CDAN1: variants seen among roughly 807,000 people sequenced by gnomAD.
The protein encoded by CDAN1 is codanin-1.
Under a neutral mutation model 139.8 loss-of-function variants are expected in CDAN1, and 107 were observed. The ratio of observed to expected loss-of-function variants is 0.77; its 90% confidence interval spans 0.65 to 0.90. The LOEUF (loss-of-function observed/expected upper bound fraction) is 0.90, where lower values mean the gene tolerates loss of function less well. Among genes scored for constraint, CDAN1 ranks in the 40% least tolerant of loss-of-function variants. The pLI is 0.00. For missense variants in CDAN1, 1,667 were observed against 1,575.7 expected (o/e 1.06, Z -0.98); for synonymous variants, 776 against 660.6 (o/e 1.17, Z -2.68).
In CDAN1 at chr15:42,731,296, C is replaced by T. The variant is rs143666626; in HGVS notation, c.1775G>A (p.Ser592Asn). The change falls in exon 12 of 28, where the codon AGC becomes AAC. Residue 592 changes from serine to asparagine, a missense_variant. Physicochemically the swap from Ser to Asn is conservative, Grantham distance 46. Coordinates refer to ENST00000356231, the MANE Select transcript of CDAN1 (RefSeq NM_138477.4). ...QFNQHLMDSL[S>N]LKIQELNGLA... ...ACCATTGAGCTCCTGGATCTTCAAGCTCAGACTGTCCATGAGATGCTGGTT... is the reference window on the plus strand; with the variant it reads ...ACCATTGAGCTCCTGGATCTTCAAGTTCAGACTGTCCATGAGATGCTGGTT... 3.0e-5 allele frequency: 48 copies of T among 1,614,020 alleles called. No individual in the cohort carries two copies. The highest frequency in any genetic ancestry group is 5.0e-5 in the Admixed American group (3 of 60,008).
chr15:42,726,454 G>A lies in CDAN1; in HGVS notation c.3097-37C>T, dbSNP rs1357147287. ...AGGGGGAGATATCACCTTGCGCTGG[G>A]GGCCAGGATGCCACAGAGAATTTGG... On this transcript the variant is annotated intron_variant, in intron 23 of 27. Transcript: ENST00000356231. The A allele has an allele frequency of 6.0e-6, 9 of 1,488,320 alleles. No individual in the cohort carries two copies. The East Asian group carries it at 2.2e-4, about 36-fold the overall frequency. The allele number at this position is 1,488,320 out of a possible 1,614,324, so 92.2% of individuals were successfully genotyped here. A position where few individuals can be genotyped will look rare whatever the true frequency, so the allele number is the denominator to read the frequency against.
At chr15:42,731,859 AATC>A (rs1858791273) in intron 10 of CDAN1, 34 bp from the exon 11 acceptor site, 1 of 1,604,238 alleles carries the variant, frequency 6.2e-7, no homozygotes, top group African/African-American at 1.3e-5. Flanking sequence ...AAATTAAAAA[AATC>A]AGCAAGTGGG....
Position 42,730,553 on chromosome 15 carries a change from C to T in CDAN1, c.2174+45G>A, listed in dbSNP as rs369641551. The T allele has an allele frequency of 2.0e-5, 32 of 1,607,202 alleles. No homozygotes were observed. The East Asian group carries it at 2.9e-4, about 15-fold the overall frequency. On this transcript the variant is annotated intron_variant, in intron 14 of 27. Coordinates refer to ENST00000356231, the MANE Select transcript of CDAN1 (RefSeq NM_138477.4). ...TTAATAGCAGGCTTGACCAATGTCC[C>T]GAGTCCCGAATCCTTTCATCAAGCC...
In CDAN1 at chr15:42,736,097, G is replaced by A; in HGVS notation, c.570-19C>T. 1 of 1,613,376 alleles carries A rather than the reference G, an allele frequency of 6.2e-7. No homozygotes were observed. The highest frequency in any genetic ancestry group is 8.5e-7 in the Non-Finnish European group (1 of 1,179,444). On this transcript the variant is annotated intron_variant, in intron 2 of 27. Transcript: ENST00000356231. ...CTTCGTCCTGCTGAGAGTAGCCACA[G>A]GTTTTTCTCAAATTCCTATCTTCAA...
Position 42,729,306 on chromosome 15 carries a change from C to G in CDAN1, c.2464G>C (p.Gly822Arg), listed in dbSNP as rs1193351243. The G allele has an allele frequency of 6.2e-7, 1 of 1,613,894 alleles. No homozygotes were observed. Among genetic ancestry groups the G allele is most frequent in the African/African-American group, 1.3e-5 (1 of 74,860 alleles). ...WVSGSSGRSG[G>R]FMRKITPTTT... ...GTGGGGGTGATTTTCCTCATGAAGC[C>G]CCCACTCCGTCCACTACTGCCTGAC... The change falls in exon 18 of 28, where the codon GGC (glycine) becomes CGC (arginine). Residue 822 changes from glycine (G) to arginine (R), a missense_variant. By Grantham distance (125) the Gly-to-Arg change is moderately radical. Transcript: ENST00000356231.
chr15:42,732,319 G>C lies in CDAN1; in HGVS notation c.1533+14C>G. 6.2e-7 allele frequency: 1 copy of C among 1,612,738 alleles called. No homozygotes were observed. Among genetic ancestry groups the C allele is most frequent in the Non-Finnish European group, 8.5e-7 (1 of 1,178,764 alleles). Reference sequence around the variant, plus strand: ...GCTGTTTAATGTGGATTAATCTCTTGCTGGGGCTGTTACCTGGAGTAGTTG... The same window carrying C: ...GCTGTTTAATGTGGATTAATCTCTTCCTGGGGCTGTTACCTGGAGTAGTTG... On this transcript the variant is annotated intron_variant, in intron 10 of 27. Coordinates refer to ENST00000356231, the MANE Select transcript of CDAN1 (RefSeq NM_138477.4).
At chr15:42,729,981 A>C in intron 15 of CDAN1, 96 bp from the exon 16 acceptor site, 1 of 1,211,166 alleles carries the variant, frequency 8.3e-7, no homozygotes, top group South Asian at 1.3e-5. Flanking sequence ...CCAGCTTCAA[A>C]GCAGCCACCT....
At chr15:42,727,877 C>G in intron 22 of CDAN1, 78 bp downstream of exon 22, 2 of 1,599,132 alleles carry the variant, frequency 1.3e-6, no homozygotes, top group Non-Finnish European at 1.7e-6. Flanking sequence ...AGTCCCATCG[C>G]CCACAAGATG....
At chr15:42,736,952 G>A in intron 1 of CDAN1, 61 bp downstream of exon 1, 4 of 1,503,838 alleles carry the variant, frequency 2.7e-6, no homozygotes, top group Non-Finnish European at 3.6e-6. Context: ...GGACTGGAGG[G>A]CTGGACTCCA....
rs915010619 is a variant in CDAN1, at chr15:42,734,163, G to A, written c.1257+63C>T. On this transcript the variant is annotated intron_variant, in intron 7 of 27. Transcript: ENST00000356231. ...TGAAGTGTCGTCAGCAGGGTTGCCTGAATTTATGAAAGCTAGGAAGGGTTA... is the reference window on the plus strand; with the variant it reads ...TGAAGTGTCGTCAGCAGGGTTGCCTAAATTTATGAAAGCTAGGAAGGGTTA... The A allele has an allele frequency of 1.1e-5, 17 of 1,613,246 alleles. No homozygotes were observed. The African/African-American group carries it at 2.1e-4, about 20-fold the overall frequency.
chr15:42,725,549 C>T lies in CDAN1; in HGVS notation c.3390G>A (p.Pro1130=), dbSNP rs773377417. ...TTCTTGGGCTCAGCAGCAGCTGCAG[C>T]GGAACCGGCCCCTGAAAGTCTTCCT... ...LWKEDFQGPV[P]LQLLLSPRNV... Residue 1130 remains proline (P), a synonymous_variant, in exon 26 of 28, where the codon CCG becomes CCA. Coordinates refer to ENST00000356231, the MANE Select transcript of CDAN1 (RefSeq NM_138477.4). 2.7e-5 allele frequency: 43 copies of T among 1,614,028 alleles called. No homozygotes were observed. Among genetic ancestry groups the T allele is most frequent in the Middle Eastern group, 1.6e-4 (1 of 6,084 alleles).
At chr15:42,733,263 T>G (rs983577825) in intron 8 of CDAN1, 77 bp from the exon 9 acceptor site, 2 of 1,213,882 alleles carry the variant, frequency 1.6e-6, no homozygotes, top group Non-Finnish European at 2.4e-6. Flanking sequence ...GAACTATCCG[T>G]AGCCCACCCA....
chr15:42,735,219 G>C (rs375573478), intron 5 of CDAN1, 41 bp from the exon 6 acceptor site: 6 of 1,600,218 alleles, frequency 3.7e-6, no homozygotes, highest in Non-Finnish European at 5.1e-6. Context: ...GAACGGTCCC[G>C]TTTCTAGACC....
In CDAN1 at chr15:42,727,687, C is replaced by T. The variant is rs1178193648; in HGVS notation, c.3030G>A (p.Arg1010=). 3 of 1,586,310 alleles carry T rather than the reference C, an allele frequency of 1.9e-6. No individual in the cohort carries two copies. In the Admixed American group the frequency reaches 5.2e-5, roughly 27 times the overall value. Reference sequence around the variant, plus strand: ...GCTCACAGGCGCGGGAGCAGCCCCTCCGCTCCCCCCGGGCAGCAGGTTCAG... The same window carrying T: ...GCTCACAGGCGCGGGAGCAGCCCCTTCGCTCCCCCCGGGCAGCAGGTTCAG... ...QGPEPAARGE[R]RGCSRACEHH... Residue 1010 remains arginine (R), a synonymous_variant, in exon 23 of 28, where the codon CGG becomes CGA. Transcript: ENST00000356231.
At chr15:42,725,340 G>A in intron 26 of CDAN1, 89 bp from the exon 27 acceptor site, 1 of 1,483,696 alleles carries the variant, frequency 6.7e-7, no homozygotes, top group Non-Finnish European at 9.4e-7. Context: ...CAGAGCTGCT[G>A]GGAAGAGACT....
chr15:42,726,442 A>G (rs772202915), intron 23 of CDAN1, 25 bp from the exon 24 acceptor site: 3 of 1,523,110 alleles, frequency 2.0e-6, no homozygotes, highest in Non-Finnish European at 2.7e-6. Flanking sequence ...GGGAGATATC[A>G]CCTTGCGCTG....
At chr15:42,728,534 G>GGAGAAGAAAAAAGGAGGCATGAA in intron 20 of CDAN1, 118 bp downstream of exon 20, 6 of 1,421,230 alleles carry the variant, frequency 4.2e-6, no homozygotes, top group Non-Finnish European at 5.9e-6. Context: ...ATGGGCGCAG[G>GGAGAAGAAAAAAGGAGGCATGAA]GAGAAGAAAA....
rs1252117010 is a variant in CDAN1, at chr15:42,724,357, T to C, written c.*134A>G. The stretch of plus-strand genomic sequence containing the variant: ...GGTGGGATGCCAGGCAGTGACACCC[T>C]TAGAGCAGGAAGTCTGACTGTAGAC... On this transcript the variant is annotated 3_prime_UTR_variant, in exon 28 of 28. Coordinates refer to ENST00000356231, the MANE Select transcript of CDAN1 (RefSeq NM_138477.4). 8.2e-7 allele frequency: 1 copy of C among 1,224,508 alleles called. No individual in the cohort carries two copies. The highest frequency in any genetic ancestry group is 1.2e-6 in the Non-Finnish European group (1 of 866,278). The allele number at this position is 1,224,508 out of a possible 1,614,324, so 75.9% of individuals were successfully genotyped here. A position where few individuals can be genotyped will look rare whatever the true frequency, so the allele number is the denominator to read the frequency against.
In CDAN1 at chr15:42,724,516, C is replaced by G; in HGVS notation, c.3659G>C (p.Arg1220Pro). The G allele has an allele frequency of 6.4e-7, 1 of 1,573,792 alleles. No homozygotes were observed. Residue 1220 changes from arginine to proline, a missense_variant, in exon 28 of 28, where the codon CGG becomes CCG. Around this residue, in one of 3 missense-constraint regions of CDAN1, gnomAD observed 936 missense variants for 844.1 expected, o/e 1.11. Transcript: ENST00000356231. Reference sequence around the variant, plus strand: ...CTAGCTCTGGGCCAGCACAGTGCCCCGGTTTGGCTGCACCAACTCACAGGC... The same window carrying G: ...CTAGCTCTGGGCCAGCACAGTGCCCGGGTTTGGCTGCACCAACTCACAGGC... ...LRACELVQPN[R>P]GTVLAQS
Sources: allele counts gnomAD v4.1 joint callset, GRCh38; gene constraint gnomAD v4.1.1; regional missense constraint gnomAD v4.1.1; transcripts MANE v1.5; gene names NCBI Gene and HGNC (gene_info 2026-07-23, HGNC 2026-07-21).